The following PCDHA1 variants were observed in gnomAD, a reference collection of about 807,000 sequenced individuals.
PCDHA1 encodes the protein protocadherin alpha 1.
Under a neutral mutation model 61.3 loss-of-function variants are expected in PCDHA1, and 42 were observed. That is an observed-to-expected ratio of 0.69 (90% CI 0.54 to 0.89). The LOEUF (loss-of-function observed/expected upper bound fraction) is 0.89. PCDHA1 is among the 40% of genes least tolerant of loss of function. PCDHA1 has a pLI of 0.00. For synonymous variants in PCDHA1, 610 were observed against 553.8 expected (o/e 1.10, Z -1.43); for missense variants, 1,256 against 1,235.3 (o/e 1.02, Z -0.25).
chr5:140,795,095 T>C, intron 1 of PCDHA1: 2 of 1,613,974 alleles, frequency 1.2e-6, no homozygotes, highest in Non-Finnish European at 1.7e-6. Context: ...CACGGCACCT[T>C]CGTGGGCCGC....
chr5:140,842,705 G>T, intron 1 of PCDHA1: 2 of 1,595,328 alleles, frequency 1.3e-6, no homozygotes, highest in Non-Finnish European at 1.7e-6. Context: ...CGAGTACACG[G>T]TGTTCGTGAA....
intron 1 of PCDHA1, chr5:140,809,214 C>T: frequency 1.2e-6 from 2 of 1,614,068 alleles, no homozygotes; most frequent in Non-Finnish European, 1.7e-6. Context: ...GGACAGGCGC[C>T]AAAGGCCTCC....
At chr5:140,897,458 G>A (rs191522392) in intron 1 of PCDHA1, among the ~76,000 whole-genome samples, 7 of 151,428 alleles carry the variant, frequency 4.6e-5, no homozygotes, top group African/African-American at 2.4e-5. Context: ...TTGTCCTTGC[G>A]ATAGTTTACT....
At chr5:140,795,000 G>A (rs368471539) in intron 1 of PCDHA1, 1 of 1,613,726 alleles carries the variant, frequency 6.2e-7, no homozygotes, top group Non-Finnish European at 8.5e-7. Flanking sequence ...GAGGGGCCTG[G>A]ACACGGCTGC....
intron 1 of PCDHA1, chr5:140,817,258 CCT>C (rs1458699211): frequency 3.3e-5 from 5 of 152,336 alleles, no homozygotes; most frequent in East Asian, 1.9e-4. Flanking sequence ...GGAATTTCCC[CCT>C]GTTTGAATGG....
chr5:140,836,910 T>G (rs1390319466), intron 1 of PCDHA1: 1 of 576,424 alleles, frequency 1.7e-6, no homozygotes, highest in African/African-American at 1.9e-5. Context: ...TAATATACAC[T>G]TTTGTTTTGG....
Position 140,832,211 on chromosome 5 carries a change from A to G in PCDHA1, c.2394+43527A>G, listed in dbSNP as rs143111478. 2.9e-3 allele frequency among the ~76,000 whole-genome samples: 436 copies of G among 152,312 alleles called. 3 individuals are homozygous for G. Among genetic ancestry groups the G allele is most frequent in the Middle Eastern group, 0.014 (4 of 294 alleles). Reference sequence around the variant, plus strand: ...CATTTAACCTGCTGAGTCCTCAGTGATTTCCTGGAGTTGGTTTTGACTTTT... The same window carrying G: ...CATTTAACCTGCTGAGTCCTCAGTGGTTTCCTGGAGTTGGTTTTGACTTTT... On this transcript the variant is annotated intron_variant, in intron 1 of 3. Coordinates refer to ENST00000504120, the MANE Select transcript of PCDHA1 (RefSeq NM_018900.4).
chr5:140,862,892 CTT>C (rs1554157185), intron 1 of PCDHA1: 2 of 562,274 alleles, frequency 3.6e-6, no homozygotes, highest in South Asian at 1.4e-5. Flanking sequence ...GGAACGACAA[CTT>C]TGTCTGCGCT....
intron 1 of PCDHA1, among the ~76,000 whole-genome samples, chr5:140,958,025 A>G (rs920360369): frequency 1.3e-5 from 2 of 152,150 alleles, no homozygotes; most frequent in Non-Finnish European, 2.9e-5. Flanking sequence ...CAAGTATACT[A>G]TGCTTTCTTT....
intron 1 of PCDHA1, chr5:140,853,297 G>A: frequency 2.0e-6 from 2 of 981,768 alleles, no homozygotes; most frequent in African/African-American, 3.5e-5. Context: ...TCTCAGAAGG[G>A]CTGTGAACAC....
At position 140,787,443 on chromosome 5, in the gene PCDHA1, G is replaced by A. The variant is rs1761371736; in HGVS notation, c.1153G>A (p.Val385Met). The stretch of plus-strand genomic sequence containing the variant: ...CCGTGACTCAGGTGCCAACGGGCAG[G>A]TGACTTGCTCCTTAATGCCCCACGT... Reference protein sequence around the residue: ...SDRDSGANGQVTCSLMPHVPF... With the variant: ...SDRDSGANGQMTCSLMPHVPF... The change falls in exon 1 of 4, where the codon GTG becomes ATG. Residue 385 changes from valine to methionine, a missense_variant. Transcript: ENST00000504120. 2 of 1,614,090 alleles carry A rather than the reference G, an allele frequency of 1.2e-6. No individual in the cohort carries two copies. The highest frequency in any genetic ancestry group is 1.3e-5 in the African/African-American group (1 of 74,926).
At chr5:140,827,339 T>C (rs1769253765) in intron 1 of PCDHA1, among the ~76,000 whole-genome samples, 1 of 152,120 alleles carries the variant, frequency 6.6e-6, no homozygotes, top group Non-Finnish European at 1.5e-5. Context: ...AGTGGTGAAG[T>C]ATATGAAAAG....
chr5:140,858,147 T>C, intron 1 of PCDHA1: 1 of 1,597,630 alleles, frequency 6.3e-7, no homozygotes, highest in Non-Finnish European at 8.6e-7. Flanking sequence ...TACCTGATCA[T>C]CGCCATCTGC....
At chr5:140,903,403 C>T (rs2070268499) in intron 1 of PCDHA1, among the ~76,000 whole-genome samples, 1 of 152,156 alleles carries the variant, frequency 6.6e-6, no homozygotes, top group Non-Finnish European at 1.5e-5. Flanking sequence ...AACAGTAGTG[C>T]AGTCAGGAAA....
chr5:140,796,285 G>C lies in PCDHA1; in HGVS notation c.2394+7601G>C. On this transcript the variant is annotated intron_variant, in intron 1 of 3. Coordinates refer to ENST00000504120, the MANE Select transcript of PCDHA1 (RefSeq NM_018900.4). ...GCCTTCACTGTGGGCCACCACCAGC[G>C]TGTCCATCGAGGTGGCCGACGTGAA... 2 of 1,614,136 alleles carry C rather than the reference G, an allele frequency of 1.2e-6. No individual in the cohort carries two copies. The highest frequency in any genetic ancestry group is 1.7e-6 in the Non-Finnish European group (2 of 1,180,046).
At chr5:140,857,263 A>C (rs367883816) in intron 1 of PCDHA1, 1 of 1,598,420 alleles carries the variant, frequency 6.3e-7, no homozygotes, top group East Asian at 2.2e-5. Context: ...ATTACTACTC[A>C]TTGGTGCTGG....
intron 1 of PCDHA1, chr5:140,835,845 G>A (rs2150246372): frequency 2.5e-6 from 4 of 1,612,312 alleles, no homozygotes; most frequent in Non-Finnish European, 1.7e-6. Flanking sequence ...GCAGAAGAAC[G>A]CGCTGGTGTC....
intron 1 of PCDHA1, chr5:140,866,411 A>G (rs2049340937): frequency 6.6e-6 from 1 of 152,118 alleles, no homozygotes; most frequent in African/African-American, 2.4e-5. Context: ...GAAAATCTTC[A>G]AATGTGTGTA....
intron 1 of PCDHA1, chr5:140,868,473 C>T (rs1740794532): frequency 6.6e-6 from 1 of 152,126 alleles, no homozygotes; most frequent in Non-Finnish European, 1.5e-5. Flanking sequence ...TTTTATAAAA[C>T]TTCAATTTTT....
Sources: allele counts gnomAD v4.1 joint callset (sites outside exome capture counted in the v4.1 genomes callset), GRCh38; gene constraint gnomAD v4.1.1; transcripts MANE v1.5; gene names NCBI Gene and HGNC (gene_info 2026-07-23, HGNC 2026-07-21).